The following PLA2R1 variants were observed in gnomAD, a reference collection of about 807,000 sequenced individuals.
PLA2R1 encodes the protein secretory phospholipase A2 receptor.
In PLA2R1, 158 loss-of-function variants were observed where a neutral mutation model predicts 195.9. The ratio of observed to expected loss-of-function variants is 0.81; its 90% CI spans 0.71 to 0.92. The LOEUF is 0.92. PLA2R1 is among the 40% of genes least tolerant of loss of function. PLA2R1 has a pLI of 0.00. For missense variants in PLA2R1, 1,626 were observed against 1,764.6 expected (o/e 0.92, Z 1.41); for synonymous variants, 586 against 598.2 (o/e 0.98, Z 0.30).
intron 17 of PLA2R1, among the ~76,000 whole-genome samples, chr2:159,973,596 T>C (rs1416304471): frequency 6.6e-6 from 1 of 152,028 alleles, no homozygotes; most frequent in African/African-American, 2.4e-5. Context: ...AGACATCAAA[T>C]CTGCCAATGC....
At chr2:159,977,527 C>T in intron 14 of PLA2R1, 111 bp from the exon 15 acceptor site, 2 of 790,768 alleles carry the variant, frequency 2.5e-6, no homozygotes, top group Non-Finnish European at 3.9e-6. Flanking sequence ...CAGGAAGCTT[C>T]AGAAATGTCT....
chr2:159,975,490 A>G (rs1344602579), intron 17 of PLA2R1, among the ~76,000 whole-genome samples: 1 of 151,414 alleles, frequency 6.6e-6, no homozygotes. Flanking sequence ...ACTCCTTACT[A>G]TTTTCTGTAT....
Position 159,987,322 on chromosome 2 carries a change from T to A in PLA2R1, c.1871A>T (p.His624Leu). The A allele has an allele frequency of 6.2e-7, 1 of 1,612,172 alleles. No homozygotes were observed. The highest frequency in any genetic ancestry group is 8.5e-7 in the Non-Finnish European group (1 of 1,179,858). Reference sequence around the variant, plus strand: ...CTTCACTTCCCAGCGACCAAGTGGATGCCTTCCTCGCATGGCAACACAGCC... The same window carrying A: ...CTTCACTTCCCAGCGACCAAGTGGAAGCCTTCCTCGCATGGCAACACAGCC... ...SGGCVAMRGR[H>L]PLGRWEVKHC... The change falls in exon 12 of 30, where the codon CAT becomes CTT. Residue 624 changes from histidine (H) to leucine (L), a missense_variant. Physicochemically the swap from His to Leu is moderately conservative, Grantham distance 99. Coordinates refer to ENST00000283243, the MANE Select transcript of PLA2R1 (RefSeq NM_007366.5).
At chr2:159,952,067 C>T (rs1687778460) in intron 23 of PLA2R1, among the ~76,000 whole-genome samples, 1 of 152,158 alleles carries the variant, frequency 6.6e-6, no homozygotes, top group Non-Finnish European at 1.5e-5. Flanking sequence ...CTGATAGTCA[C>T]TATTATGCTT....
chr2:159,949,791 T>C lies in PLA2R1; in HGVS notation c.3541-15A>G. The C allele has an allele frequency of 6.2e-7, 1 of 1,608,492 alleles. No homozygotes were observed. The highest frequency in any genetic ancestry group is 8.5e-7 in the Non-Finnish European group (1 of 1,175,274). ...TTAAGACCATTCTGTGGAGGAAAAC[T>C]GAGCCATCATTTCCTTGCCACGACG... On this transcript the variant is annotated splice_polypyrimidine_tract_variant and intron_variant, in intron 24 of 29. Transcript: ENST00000283243.
chr2:160,004,398 C>T (rs1267920213), intron 11 of PLA2R1, among the ~76,000 whole-genome samples: 1 of 152,176 alleles, frequency 6.6e-6, no homozygotes, highest in Non-Finnish European at 1.5e-5. Context: ...AGCAAACCAC[C>T]TTGGACTGGA....
At chr2:159,953,366 A>T (rs1171911795) in intron 23 of PLA2R1, among the ~76,000 whole-genome samples, 1 of 152,256 alleles carries the variant, frequency 6.6e-6, no homozygotes, top group Non-Finnish European at 1.5e-5. Context: ...ATGTAAGCAC[A>T]TATGTATCTG....
chr2:159,946,044 C>A (rs1004808900), intron 27 of PLA2R1: 36 of 983,460 alleles, frequency 3.7e-5, no homozygotes, highest in Admixed American at 6.2e-5. Context: ...CAGTGAATTT[C>A]TTTAATACCA....
chr2:159,976,976 T>G (rs1689605376), intron 15 of PLA2R1, among the ~76,000 whole-genome samples: 1 of 152,236 alleles, frequency 6.6e-6, no homozygotes, highest in African/African-American at 2.4e-5. Flanking sequence ...CCCAGGTGTT[T>G]CCACTTACTC....
Position 160,006,202 on chromosome 2 carries a change from G to A in PLA2R1, c.1665-381C>T, listed in dbSNP as rs1287000598. 2.6e-5 allele frequency among the ~76,000 whole-genome samples: 4 copies of A among 152,162 alleles called. 1 individual carries two copies. Among genetic ancestry groups the A allele is most frequent in the South Asian group, 4.1e-4 (2 of 4,828 alleles). ...ACACACACCATGCCACAATATGCAC[G>A]GGGTAAAGGTGGGCAGGAGGGAGGA... On this transcript the variant is annotated intron_variant, in intron 10 of 29. Transcript: ENST00000283243.
At position 159,941,736 on chromosome 2, in the gene PLA2R1, C is replaced by A. The variant is rs1482106741; in HGVS notation, c.*42G>T. 2 of 1,100,134 alleles carry A rather than the reference C, an allele frequency of 1.8e-6. No homozygotes were observed. Among genetic ancestry groups the A allele is most frequent in the Non-Finnish European group, 2.8e-6 (2 of 723,170 alleles). 68.1% of individuals were successfully genotyped at this position (1,100,134 alleles called of 1,614,324 possible). A position where few individuals can be genotyped will look rare whatever the true frequency, so the allele number is the denominator to read the frequency against. On this transcript the variant is annotated 3_prime_UTR_variant, in exon 30 of 30. Coordinates refer to ENST00000283243, the MANE Select transcript of PLA2R1 (RefSeq NM_007366.5). ...ACAGATGAGACTCCTGTTTAGTCTT[C>A]TTTACTTACCCTGGTGTCTGTGGCA...
At chr2:159,972,042 A>G (rs1374572705) in intron 17 of PLA2R1, among the ~76,000 whole-genome samples, 1 of 152,134 alleles carries the variant, frequency 6.6e-6, no homozygotes, top group Non-Finnish European at 1.5e-5. Context: ...AATTTCATTC[A>G]ATCTAAAGAG....
Position 159,977,420 on chromosome 2 carries a change from C to T in PLA2R1, c.2269-4G>A. The T allele has an allele frequency of 6.2e-7, 1 of 1,612,532 alleles. No homozygotes were observed. The highest frequency in any genetic ancestry group is 8.5e-7 in the Non-Finnish European group (1 of 1,179,006). On this transcript the variant is annotated splice_region_variant and splice_polypyrimidine_tract_variant and intron_variant, in intron 14 of 29. Coordinates refer to ENST00000283243, the MANE Select transcript of PLA2R1 (RefSeq NM_007366.5). ...TGTCTAAAAACGAAGAGACAACCTG[C>T]AGCAGATGAAGTTCATTATTCCTTA...
chr2:160,015,611 C>T (rs1692680034), intron 9 of PLA2R1, among the ~76,000 whole-genome samples: 1 of 152,152 alleles, frequency 6.6e-6, no homozygotes, highest in Admixed American at 6.5e-5. Context: ...CAAATCCCCC[C>T]ACCCTCGCCC....
chr2:160,012,323 C>A (rs1376823435), intron 10 of PLA2R1, among the ~76,000 whole-genome samples: 1 of 152,152 alleles, frequency 6.6e-6, no homozygotes, highest in Admixed American at 6.5e-5. Context: ...GGTGTTCCAG[C>A]CCCCACTGTC....
Position 160,028,278 on chromosome 2 carries a change from C to T in PLA2R1, c.1039G>A (p.Glu347Lys), listed in dbSNP as rs1319704961. The change falls in exon 6 of 30, where the codon GAG (glutamate) becomes AAG (lysine). Residue 347 changes from glutamate (E) to lysine (K), a missense_variant. Physicochemically the swap from Glu to Lys is moderately conservative, Grantham distance 56. Coordinates refer to ENST00000283243, the MANE Select transcript of PLA2R1 (RefSeq NM_007366.5). ...TTACATATATATGGCAAGGTGGACT[C>T]ACAATCCCGACTCCTCCAGGCACTT... ...MPSAWRSRDC[E>K]STLPYICKKY... 2 of 1,604,746 alleles carry T rather than the reference C, an allele frequency of 1.2e-6. No homozygotes were observed. The highest frequency in any genetic ancestry group is 1.1e-5 in the South Asian group (1 of 90,552).
intron 1 of PLA2R1, among the ~76,000 whole-genome samples, chr2:160,057,900 G>A (rs370833914): frequency 1.3e-4 from 20 of 152,302 alleles, no homozygotes; most frequent in African/African-American, 4.6e-4. Flanking sequence ...GGAGCACCAG[G>A]GGGTGAATGC....
At chr2:160,049,971 A>C (rs1232510140) in intron 1 of PLA2R1, among the ~76,000 whole-genome samples, 1 of 152,172 alleles carries the variant, frequency 6.6e-6, no homozygotes, top group East Asian at 1.9e-4. Flanking sequence ...GGGGCAGGGG[A>C]AGGGAAAGCA....
Position 159,981,449 on chromosome 2 carries a change from G to C in PLA2R1, c.2184-1535C>G, listed in dbSNP as rs139942753. 2.9e-4 allele frequency among the ~76,000 whole-genome samples: 44 copies of C among 152,190 alleles called. No homozygotes were observed. The East Asian group carries it at 8.1e-3, about 28-fold the overall frequency. On this transcript the variant is annotated intron_variant, in intron 13 of 29. Transcript: ENST00000283243. ...GAGACAGGGTCACACTGTCGCCCAG[G>C]TTGGAGTATAGTAGCACACAATCTT...
Sources: allele counts gnomAD v4.1 joint callset (sites outside exome capture counted in the v4.1 genomes callset), GRCh38; gene constraint gnomAD v4.1.1; transcripts MANE v1.5; gene names NCBI Gene and HGNC (gene_info 2026-07-23, HGNC 2026-07-21).